Variants in MTHFD1L observed in about 807,000 individuals in gnomAD.
The protein encoded by MTHFD1L is monofunctional C1-tetrahydrofolate synthase, mitochondrial.
A neutral mutation model predicts 119.5 loss-of-function variants in MTHFD1L; 81 were observed. The observed-to-expected ratio is 0.68, with a 90% CI of 0.57 to 0.82. The LOEUF (loss-of-function observed/expected upper bound fraction) is 0.82. Among genes scored for constraint, MTHFD1L ranks in the 40% least tolerant of loss-of-function variants. MTHFD1L has a pLI of 0.00. For missense variants in MTHFD1L, 1,125 were observed against 1,253.4 expected (o/e 0.90, Z 1.55); for synonymous variants, 430 against 475.2 (o/e 0.90, Z 1.24).
At chr6:150,918,015 T>G (rs1340652881) in intron 8 of MTHFD1L, among the ~76,000 whole-genome samples, 2 of 152,082 alleles carry the variant, frequency 1.3e-5, no homozygotes, top group Non-Finnish European at 2.9e-5. Flanking sequence ...ATGATGTGCT[T>G]CATTACATTT....
intron 26 of MTHFD1L, among the ~76,000 whole-genome samples, chr6:151,087,046 C>T (rs1313597591): frequency 1.3e-5 from 2 of 152,024 alleles, no homozygotes; most frequent in East Asian, 1.9e-4. Context: ...GTCAGGAGTT[C>T]AAGACTAGTC....
chr6:151,056,728 C>T (rs1437568393), intron 26 of MTHFD1L, among the ~76,000 whole-genome samples: 4 of 152,154 alleles, frequency 2.6e-5, no homozygotes, highest in African/African-American at 7.2e-5. Context: ...GAGAGGGTTT[C>T]CTGGGTTGCT....
At chr6:150,901,239 C>T (rs558538807) in intron 7 of MTHFD1L, among the ~76,000 whole-genome samples, 4 of 152,134 alleles carry the variant, frequency 2.6e-5, no homozygotes, top group East Asian at 2.0e-4. Context: ...AAGGCCCAGG[C>T]GGGCAGATCA....
chr6:151,038,255 G>A (rs1786489820), intron 26 of MTHFD1L, among the ~76,000 whole-genome samples: 1 of 152,290 alleles, frequency 6.6e-6, no homozygotes, highest in South Asian at 2.1e-4. Context: ...CATTATGCCT[G>A]GGGTAGAACT....
At chr6:150,913,150 G>A (rs1428223235) in intron 8 of MTHFD1L, among the ~76,000 whole-genome samples, 1 of 151,606 alleles carries the variant, frequency 6.6e-6, no homozygotes, top group Admixed American at 6.6e-5. Flanking sequence ...ACAGACATAT[G>A]CCACCATGCC....
chr6:151,018,064 C>T (rs1314676133), intron 24 of MTHFD1L, among the ~76,000 whole-genome samples: 2 of 152,124 alleles, frequency 1.3e-5, no homozygotes, highest in East Asian at 3.9e-4. Flanking sequence ...CTCTCCTCCT[C>T]AGATCGTCTG....
chr6:150,963,313 T>C lies in MTHFD1L; in HGVS notation c.1945-1656T>C, dbSNP rs148572956. Among the ~76,000 whole-genome samples, 3 of 152,222 alleles carry C rather than the reference T, an allele frequency of 2.0e-5. No homozygotes were observed. In the East Asian group the frequency reaches 5.8e-4, roughly 30 times the overall value. On this transcript the variant is annotated intron_variant, in intron 18 of 27. Transcript: ENST00000367321. ...TTTATACACTGAGGTAGATTCCAGTTACGTAGGAATATAGTTAGTAATAGT... is the reference window on the plus strand; with the variant it reads ...TTTATACACTGAGGTAGATTCCAGTCACGTAGGAATATAGTTAGTAATAGT...
chr6:150,865,733 G>A lies in MTHFD1L; in HGVS notation c.-90G>A. Reference sequence around the variant, plus strand: ...GCGCCAGGTCCTTCCCGCCGCCGCCGCCGCCGCCGCCGCCTGCTCCCCTGG... The same window carrying A: ...GCGCCAGGTCCTTCCCGCCGCCGCCACCGCCGCCGCCGCCTGCTCCCCTGG... On this transcript the variant is annotated 5_prime_UTR_variant, in exon 1 of 28. Transcript: ENST00000367321. 1.8e-6 allele frequency: 2 copies of A among 1,116,558 alleles called. No individual in the cohort carries two copies. Among genetic ancestry groups the A allele is most frequent in the Non-Finnish European group, 2.2e-6 (2 of 907,512 alleles). The allele number at this position is 1,116,558 out of a possible 1,614,324, so 69.2% of individuals were successfully genotyped here. A position where few individuals can be genotyped will look rare whatever the true frequency, so the allele number is the denominator to read the frequency against.
intron 26 of MTHFD1L, 120 bp downstream of exon 26, chr6:151,037,237 A>G: frequency 9.5e-7 from 1 of 1,052,254 alleles, no homozygotes; most frequent in East Asian, 2.4e-5. Context: ...AGTAATTAAT[A>G]GTACAGTATT....
chr6:151,033,121 C>CTTT (rs1219393561), intron 24 of MTHFD1L, among the ~76,000 whole-genome samples: 1 of 141,698 alleles, frequency 7.1e-6, no homozygotes, highest in African/African-American at 2.6e-5. Context: ...CATATGCTTT[C>CTTT]TTTTTTTTTT....
rs115088610 is a variant in MTHFD1L, at chr6:150,960,290, G to T, written c.1819G>T (p.Ala607Ser). ...GHYRQAQFDI[A>S]VASEIMAVLA... The stretch of plus-strand genomic sequence containing the variant: ...GCTGGTTCAGGCGCAGTTTGACATC[G>T]CAGTGGCCAGCGAGATCATGGCGGT... Residue 607 changes from alanine to serine, a missense_variant, in exon 18 of 28, where the codon GCA becomes TCA. Ala to Ser is a moderately conservative substitution (Grantham distance 99). Coordinates refer to ENST00000367321, the MANE Select transcript of MTHFD1L (RefSeq NM_015440.5). 1.8e-5 allele frequency: 29 copies of T among 1,613,014 alleles called. No individual in the cohort carries two copies. The highest frequency in any genetic ancestry group is 2.3e-5 in the Non-Finnish European group (27 of 1,179,600).
intron 26 of MTHFD1L, among the ~76,000 whole-genome samples, chr6:151,067,370 C>G (rs1308611462): frequency 1.3e-5 from 2 of 152,162 alleles, no homozygotes; most frequent in African/African-American, 4.8e-5. Flanking sequence ...GTCACCCAGG[C>G]TGGTGTACAG....
intron 7 of MTHFD1L, among the ~76,000 whole-genome samples, chr6:150,903,213 T>C (rs1047203730): frequency 0.027 from 3,410 of 126,038 alleles, 216 homozygotes; most frequent in African/African-American, 0.069. Flanking sequence ...ATTTTTTTTT[T>C]TTTTTTTTTT....
At chr6:151,037,342 T>C (rs1786335212) in intron 26 of MTHFD1L, among the ~76,000 whole-genome samples, 1 of 152,224 alleles carries the variant, frequency 6.6e-6, no homozygotes, top group South Asian at 2.1e-4. Context: ...CTTAGAGTCA[T>C]AATACTAATT....
chr6:150,965,281 CA>C (rs201624273), intron 19 of MTHFD1L, among the ~76,000 whole-genome samples: 1 of 146,500 alleles, frequency 6.8e-6, no homozygotes, highest in Non-Finnish European at 1.5e-5. Flanking sequence ...CTTGGCCAAC[CA>C]AAAAAAAAAA....
intron 15 of MTHFD1L, 122 bp downstream of exon 15, chr6:150,945,663 T>A: frequency 1.1e-6 from 1 of 875,266 alleles, no homozygotes. Context: ...TTTTGGGTAT[T>A]AAACTCTATA....
chr6:150,968,831 T>C (rs1797611900), intron 19 of MTHFD1L, among the ~76,000 whole-genome samples: 1 of 149,684 alleles, frequency 6.7e-6, no homozygotes, highest in Non-Finnish European at 1.5e-5. Flanking sequence ...AATCATTTTC[T>C]TGTTTTAAAT....
intron 20 of MTHFD1L, among the ~76,000 whole-genome samples, chr6:150,974,725 T>C (rs1776290647): frequency 3.1e-5 from 1 of 32,292 alleles, no homozygotes; most frequent in South Asian, 7.2e-4. Context: ...ATTCTCTTCC[T>C]TTTTTTTTTT....
chr6:150,932,491 G>T (rs1236554613), intron 11 of MTHFD1L, among the ~76,000 whole-genome samples: 1 of 152,152 alleles, frequency 6.6e-6, no homozygotes, highest in Non-Finnish European at 1.5e-5. Context: ...AAATTAGAGG[G>T]CTGGGCGTGG....
Sources: gnomAD v4.1 joint callset for allele counts (sites outside exome capture counted in the v4.1 genomes callset) on GRCh38, gnomAD v4.1.1 for gene constraint, MANE v1.5 for transcripts, NCBI Gene and HGNC (gene_info 2026-07-23, HGNC 2026-07-21) for gene names.